MSH3: variants seen among roughly 807,000 people sequenced by gnomAD.
MSH3 encodes the protein DNA mismatch repair protein Msh3.
In MSH3, 106 loss-of-function variants were observed where a neutral mutation model predicts 123.3. The observed-to-expected ratio is 0.86, with a 90% CI of 0.73 to 1.01. MSH3 has a LOEUF of 1.01. MSH3 is among the 50% of genes least tolerant of loss of function. The pLI is 0.00. For missense variants in MSH3, 1,459 were observed against 1,347.6 expected (o/e 1.08, Z -1.29); for synonymous variants, 515 against 481.4 (o/e 1.07, Z -0.91).
intron 2 of MSH3, among the ~76,000 whole-genome samples, chr5:80,663,533 C>G (rs1432789897): frequency 2.0e-5 from 3 of 148,558 alleles, no homozygotes; most frequent in African/African-American, 7.5e-5. Flanking sequence ...GATCTTCATC[C>G]CACTTTCATT....
chr5:80,739,905 C>G (rs1197658465), intron 10 of MSH3, among the ~76,000 whole-genome samples: 1 of 152,146 alleles, frequency 6.6e-6, no homozygotes, highest in Non-Finnish European at 1.5e-5. Flanking sequence ...TGGGTGAGGG[C>G]TTGTTTTCTT....
chr5:80,830,405 C>T (rs1002772193), intron 20 of MSH3, among the ~76,000 whole-genome samples: 9 of 152,140 alleles, frequency 5.9e-5, no homozygotes, highest in Non-Finnish European at 1.2e-4. Flanking sequence ...GGAAGAAAAA[C>T]AGGATCAGAG....
intron 8 of MSH3, among the ~76,000 whole-genome samples, chr5:80,709,803 A>G (rs1056479610): frequency 2.0e-5 from 3 of 152,162 alleles, no homozygotes; most frequent in African/African-American, 7.2e-5. Context: ...AATGCTTTTA[A>G]AGGCATTTCA....
intron 12 of MSH3, among the ~76,000 whole-genome samples, chr5:80,756,056 T>G (rs926206517): frequency 2.6e-5 from 4 of 151,966 alleles, no homozygotes; most frequent in African/African-American, 9.7e-5. Context: ...ATAAAAAATA[T>G]GAGCATGGAA....
intron 19 of MSH3, among the ~76,000 whole-genome samples, chr5:80,793,320 A>G (rs1273433285): frequency 6.6e-6 from 1 of 152,222 alleles, no homozygotes; most frequent in Non-Finnish European, 1.5e-5. Context: ...TACTTAACAC[A>G]TACTTACTGA....
At chr5:80,780,111 A>G (rs1045596644) in intron 17 of MSH3, among the ~76,000 whole-genome samples, 1 of 152,188 alleles carries the variant, frequency 6.6e-6, no homozygotes, top group Non-Finnish European at 1.5e-5. Context: ...ATTTATTGAT[A>G]GTCATGTGTT....
At chr5:80,714,861 C>T (rs139403749) in intron 8 of MSH3, among the ~76,000 whole-genome samples, 61 of 152,308 alleles carry the variant, frequency 4.0e-4, no homozygotes, top group African/African-American at 1.4e-3. Flanking sequence ...AGGAAGTCTA[C>T]AGGAAGATAA....
chr5:80,825,935 C>T (rs1266164066), intron 20 of MSH3, among the ~76,000 whole-genome samples: 1 of 152,188 alleles, frequency 6.6e-6, no homozygotes, highest in Non-Finnish European at 1.5e-5. Flanking sequence ...TGACAAACTG[C>T]CAGGCTTCCT....
At chr5:80,664,720 GT>G (rs904974929) in intron 2 of MSH3, among the ~76,000 whole-genome samples, 88 of 152,156 alleles carry the variant, frequency 5.8e-4, no homozygotes, top group African/African-American at 2.1e-3. Flanking sequence ...AGCATTTTGT[GT>G]TGTAATTAGA....
chr5:80,768,149 T>G, intron 14 of MSH3, 29 bp downstream of exon 14: 1 of 1,586,518 alleles, frequency 6.3e-7, no homozygotes, highest in South Asian at 1.1e-5. Context: ...ATTCTTCCTT[T>G]TCACCAGTCA....
chr5:80,761,016 T>C (rs959443316), intron 12 of MSH3, among the ~76,000 whole-genome samples: 4 of 152,168 alleles, frequency 2.6e-5, no homozygotes, highest in Non-Finnish European at 5.9e-5. Context: ...TGCTCTTTGA[T>C]TCAGATAATA....
chr5:80,705,137 C>T (rs912710488), intron 8 of MSH3, among the ~76,000 whole-genome samples: 4 of 152,224 alleles, frequency 2.6e-5, no homozygotes, highest in African/African-American at 9.7e-5. Flanking sequence ...ATTCATTCAG[C>T]ATTTATTTCT....
intron 20 of MSH3, among the ~76,000 whole-genome samples, chr5:80,817,359 A>G (rs937763026): frequency 1.3e-5 from 2 of 152,132 alleles, no homozygotes; most frequent in African/African-American, 4.8e-5. Flanking sequence ...GTGGGGCCAC[A>G]CTGCAGTTAA....
At chr5:80,746,778 A>C (rs555362773) in intron 12 of MSH3, 56 of 398,618 alleles carry the variant, frequency 1.4e-4, no homozygotes, top group South Asian at 1.1e-3. Flanking sequence ...TTCCACATCA[A>C]ATATCTCCGC....
At chr5:80,871,468 A>C (rs1007740177) in intron 22 of MSH3, among the ~76,000 whole-genome samples, 2 of 152,240 alleles carry the variant, frequency 1.3e-5, no homozygotes, top group African/African-American at 4.8e-5. Flanking sequence ...ACAGGGCTAC[A>C]GTCAGTCACT....
At position 80,813,731 on chromosome 5, in the gene MSH3, A is replaced by G. The variant is rs1490213002; in HGVS notation, c.2803A>G (p.Ile935Val). ...EEATIGIVDGIFTRMGAADNI... is the reference protein window; with the variant it reads ...EEATIGIVDGVFTRMGAADNI... ...AGCGACAATTGGGATTGTGGATGGC[A>G]TTTTCACAAGGTAAGTACGTTAATT... Residue 935 changes from isoleucine (I) to valine (V), a missense_variant, in exon 20 of 24, where the codon ATT (isoleucine) becomes GTT (valine). Physicochemically the swap from Ile to Val is conservative, Grantham distance 29. Transcript: ENST00000265081. 7 of 1,613,952 alleles carry G rather than the reference A, an allele frequency of 4.3e-6. No individual in the cohort carries two copies. The highest frequency in any genetic ancestry group is 5.1e-6 in the Non-Finnish European group (6 of 1,179,928).
chr5:80,736,866 A>C (rs1202462548), intron 10 of MSH3, among the ~76,000 whole-genome samples: 1 of 152,160 alleles, frequency 6.6e-6, no homozygotes, highest in Non-Finnish European at 1.5e-5. Flanking sequence ...TTCCCCCTGG[A>C]CTTTGCCTCA....
At chr5:80,864,105 C>T (rs753319557) in intron 21 of MSH3, among the ~76,000 whole-genome samples, 7 of 151,936 alleles carry the variant, frequency 4.6e-5, no homozygotes, top group Non-Finnish European at 8.8e-5. Context: ...AATGTTGTGC[C>T]GGAGTCATAT....
In MSH3 at chr5:80,656,444, T is replaced by C. The variant is rs1368182535; in HGVS notation, c.271T>C (p.Leu91=). 6.2e-7 allele frequency: 1 copy of C among 1,613,976 alleles called. No homozygotes were observed. The highest frequency in any genetic ancestry group is 1.3e-5 in the African/African-American group (1 of 74,904). ...AATTGACAGAAGAAAGAAGAGACCATTGGAAAATGATGGGCCTGTTAAAAA... is the reference window on the plus strand; with the variant it reads ...AATTGACAGAAGAAAGAAGAGACCACTGGAAAATGATGGGCCTGTTAAAAA... The part of the protein sequence containing the change: ...TEIDRRKKRP[L]ENDGPVKKKV... The change falls in exon 2 of 24, where the codon TTG becomes CTG. Residue 91 remains leucine (L), a synonymous_variant. Transcript: ENST00000265081.
Sources: allele counts gnomAD v4.1 joint callset (sites outside exome capture counted in the v4.1 genomes callset), GRCh38; gene constraint gnomAD v4.1.1; transcripts MANE v1.5; gene names NCBI Gene and HGNC (gene_info 2026-07-23, HGNC 2026-07-21).